FAR2: variants seen among roughly 807,000 people sequenced by gnomAD.
FAR2 encodes the protein epididymis secretory protein Li 81.
In FAR2, 19 loss-of-function variants were observed where a neutral mutation model predicts 56.0. The ratio of observed to expected loss-of-function variants is 0.34; its 90% CI spans 0.24 to 0.50. FAR2 has a LOEUF of 0.50. Among genes scored for constraint, FAR2 ranks in the 20% least tolerant of loss-of-function variants. The pLI, the probability that FAR2 is intolerant of heterozygous loss-of-function variation, is 0.98. For synonymous variants in FAR2, 219 were observed against 218.8 expected, an observed-to-expected ratio of 1.00 and a Z score of -0.01; for missense variants, 508 against 642.2, an observed-to-expected ratio of 0.79 and a Z score of 2.26.
At chr12:29,162,014 T>C (rs1024146059) in intron 1 of FAR2, among the ~76,000 whole-genome samples, 9 of 152,240 alleles carry the variant, frequency 5.9e-5, no homozygotes, top group African/African-American at 2.2e-4. Flanking sequence ...TTATATGTTC[T>C]GGATACAATT....
In FAR2 at chr12:29,311,921, A is replaced by G; in HGVS notation, c.926A>G (p.Asn309Ser). The G allele has an allele frequency of 6.2e-7, 1 of 1,611,838 alleles. No homozygotes were observed. The highest frequency in any genetic ancestry group is 8.5e-7 in the Non-Finnish European group (1 of 1,178,778). ...STLVYHITSGNMNPCNWHKMG... is the reference protein window; with the variant it reads ...STLVYHITSGSMNPCNWHKMG... Reference sequence around the variant, plus strand: ...TTAGTCTACCACATTACATCTGGTAACATGAATCCCTGCAATTGGCACAAA... The same window carrying G: ...TTAGTCTACCACATTACATCTGGTAGCATGAATCCCTGCAATTGGCACAAA... The change falls in exon 8 of 12, where the codon AAC becomes AGC. Residue 309 changes from asparagine to serine, a missense_variant. Physicochemically the swap from Asn to Ser is conservative, Grantham distance 46. Coordinates refer to ENST00000536681, the MANE Select transcript of FAR2 (RefSeq NM_001271783.2).
intron 3 of FAR2, among the ~76,000 whole-genome samples, chr12:29,295,533 A>G (rs367948549): frequency 6.6e-6 from 1 of 152,330 alleles, no homozygotes; most frequent in African/African-American, 2.4e-5. Flanking sequence ...ATTACCTTGT[A>G]TATGTAGAAT....
At chr12:29,216,155 AAATT>A (rs1488118317) in intron 1 of FAR2, among the ~76,000 whole-genome samples, 1 of 152,186 alleles carries the variant, frequency 6.6e-6, no homozygotes, top group Non-Finnish European at 1.5e-5. Flanking sequence ...GAACTACCTT[AAATT>A]AATTAATCTA....
intron 1 of FAR2, among the ~76,000 whole-genome samples, chr12:29,192,033 C>T (rs1376727399): frequency 6.6e-6 from 1 of 152,188 alleles, no homozygotes; most frequent in East Asian, 1.9e-4. Context: ...TTGATTAGGA[C>T]TTTTGGCTAG....
intron 2 of FAR2, 55 bp from the exon 3 acceptor site, chr12:29,293,245 C>T (rs1339003758): frequency 6.7e-6 from 9 of 1,353,264 alleles, no homozygotes; most frequent in Non-Finnish European, 8.9e-6. Context: ...TAAACAAGAA[C>T]AATGTGATAA....
chr12:29,312,682 T>C (rs887065196), intron 8 of FAR2, among the ~76,000 whole-genome samples: 1 of 152,168 alleles, frequency 6.6e-6, no homozygotes, highest in Non-Finnish European at 1.5e-5. Context: ...ACCATGGAAA[T>C]AGAGTTGAGT....
chr12:29,215,507 G>A (rs945675382), intron 1 of FAR2, among the ~76,000 whole-genome samples: 7 of 152,044 alleles, frequency 4.6e-5, no homozygotes, highest in East Asian at 3.9e-4. Context: ...ATTAAGAAAC[G>A]TATCTGTTAA....
intron 9 of FAR2, among the ~76,000 whole-genome samples, chr12:29,318,349 A>G (rs1949490891): frequency 6.6e-6 from 1 of 152,242 alleles, no homozygotes; most frequent in African/African-American, 2.4e-5. Flanking sequence ...AAAGAAGAAA[A>G]CCCAAATATT....
intron 4 of FAR2, among the ~76,000 whole-genome samples, chr12:29,300,131 T>TTTTG (rs780619338): frequency 6.6e-6 from 1 of 152,212 alleles, no homozygotes; most frequent in South Asian, 2.1e-4. Context: ...TTTTGACTGT[T>TTTTG]TTTGTTTGTT....
chr12:29,267,839 C>T (rs1016393231), intron 1 of FAR2, among the ~76,000 whole-genome samples: 1 of 152,164 alleles, frequency 6.6e-6, no homozygotes, highest in Non-Finnish European at 1.5e-5. Flanking sequence ...TGATTTCTGT[C>T]ATTGACCCCT....
chr12:29,272,766 G>A (rs1256815549), intron 2 of FAR2, among the ~76,000 whole-genome samples: 2 of 152,120 alleles, frequency 1.3e-5, no homozygotes, highest in Non-Finnish European at 2.9e-5. Flanking sequence ...TTATCTTTGT[G>A]AGTTTGTCTA....
At chr12:29,188,238 C>T (rs34418975) in intron 1 of FAR2, among the ~76,000 whole-genome samples, 6,301 of 152,164 alleles carry the variant, frequency 0.041, 366 homozygotes, top group African/African-American at 0.13. Flanking sequence ...AATTTTTCCA[C>T]TGTTGTTTTC....
At chr12:29,293,921 GTGTGCA>G (rs1949014804) in intron 3 of FAR2, among the ~76,000 whole-genome samples, 1 of 152,096 alleles carries the variant, frequency 6.6e-6, no homozygotes, top group Non-Finnish European at 1.5e-5. Flanking sequence ...ATGAACATCT[GTGTGCA>G]TGTGTATTTT....
intron 10 of FAR2, among the ~76,000 whole-genome samples, chr12:29,324,041 A>G (rs1222256670): frequency 6.6e-5 from 10 of 152,248 alleles, no homozygotes; most frequent in Admixed American, 6.5e-4. Flanking sequence ...CCCAATGCAG[A>G]CAAGTCCTTA....
At chr12:29,250,670 C>T (rs1416085845) in intron 1 of FAR2, among the ~76,000 whole-genome samples, 3 of 152,158 alleles carry the variant, frequency 2.0e-5, no homozygotes, top group African/African-American at 7.2e-5. Flanking sequence ...AACTCCCTTT[C>T]CATCAATAAG....
intron 10 of FAR2, among the ~76,000 whole-genome samples, chr12:29,326,017 A>G (rs1476362990): frequency 6.6e-6 from 1 of 152,174 alleles, no homozygotes; most frequent in Non-Finnish European, 1.5e-5. Context: ...AGACTAATAA[A>G]GAAGAAAAGA....
At chr12:29,166,210 T>C (rs1276788478) in intron 1 of FAR2, among the ~76,000 whole-genome samples, 1 of 152,272 alleles carries the variant, frequency 6.6e-6, no homozygotes, top group African/African-American at 2.4e-5. Context: ...ATATTAATAG[T>C]AAATGGTATT....
intron 1 of FAR2, among the ~76,000 whole-genome samples, chr12:29,260,803 G>A (rs934180259): frequency 3.9e-5 from 6 of 152,176 alleles, no homozygotes; most frequent in African/African-American, 9.7e-5. Context: ...TTTGTTTGGG[G>A]CAAAGTAAGG....
chr12:29,296,969 G>C (rs1384566859), intron 3 of FAR2, 52 bp from the exon 4 acceptor site: 4 of 1,489,530 alleles, frequency 2.7e-6, no homozygotes. Context: ...GTTATAGCAA[G>C]GCATGATACT....
Sources: allele counts gnomAD v4.1 joint callset (sites outside exome capture counted in the v4.1 genomes callset), GRCh38; gene constraint gnomAD v4.1.1; transcripts MANE v1.5; gene names NCBI Gene and HGNC (gene_info 2026-07-23, HGNC 2026-07-21).